TMEM14C: variants seen among roughly 807,000 people sequenced by gnomAD.
TMEM14C encodes chromosome 6 open reading frame 53.
TMEM14C carries 13 observed loss-of-function variants against 14.8 expected under a neutral mutation model. The observed-to-expected ratio is 0.88, with a 90% CI of 0.57 to 1.40. The LOEUF is 1.40. Among genes scored for constraint, TMEM14C ranks in the 40% most tolerant of loss-of-function variants. The pLI is 0.00. For missense variants in TMEM14C, 142 were observed against 138.8 expected (o/e 1.02, Z -0.12); for synonymous variants, 57 against 51.3 (o/e 1.11, Z -0.48).
chr6:10,727,804 GA>G (rs1770910695), intron 4 of TMEM14C, among the ~76,000 whole-genome samples: 1 of 151,908 alleles, frequency 6.6e-6, no homozygotes, highest in South Asian at 2.1e-4. Flanking sequence ...CTGGGCGACA[GA>G]TCAAGACTCT....
At position 10,723,133 on chromosome 6, in the gene TMEM14C, G is replaced by GC. The variant is rs1374469838; in HGVS notation, c.-149dup. On this transcript the variant is annotated 5_prime_UTR_variant, in exon 1 of 6. Coordinates refer to ENST00000229563, the MANE Select transcript of TMEM14C (RefSeq NM_016462.4). ...ACAACAGAGCCGCTCCCCTCTCCTC[G>GC]CCCCGCCACCGGGACGGAGAGCGCC... 1.3e-5 allele frequency: 2 copies of GC among 152,290 alleles called. No homozygotes were observed. Among genetic ancestry groups the GC allele is most frequent in the African/African-American group, 2.4e-5 (1 of 41,464 alleles). 9.4% of individuals were successfully genotyped at this position (152,290 alleles called of 1,614,324 possible). A position where few individuals can be genotyped will look rare whatever the true frequency, so the allele number is the denominator to read the frequency against.
At chr6:10,725,089 A>C in intron 3 of TMEM14C, 52 bp downstream of exon 3, 1 of 1,603,802 alleles carries the variant, frequency 6.2e-7, no homozygotes, top group East Asian at 2.2e-5. Flanking sequence ...TGTCCCAGTG[A>C]AATGTGAATG....
At chr6:10,724,249 A>G (rs1770787152) in intron 1 of TMEM14C, among the ~76,000 whole-genome samples, 1 of 152,232 alleles carries the variant, frequency 6.6e-6, no homozygotes, top group Non-Finnish European at 1.5e-5. Flanking sequence ...TGGGTAGCTG[A>G]TGAAATGACT....
chr6:10,724,572 G>A lies in TMEM14C; in HGVS notation c.-42G>A. ...CTGATCCAGCTTGTTTTCTGCAGGT[G>A]CAGGCCTGGGGTAGTCTCCTGTCTG... is the stretch of plus-strand genomic sequence containing the variant. On this transcript the variant is annotated splice_region_variant and 5_prime_UTR_variant, in exon 2 of 6. Transcript: ENST00000229563. 7 of 1,610,694 alleles carry A rather than the reference G, an allele frequency of 4.3e-6. No homozygotes were observed. The highest frequency in any genetic ancestry group is 5.9e-6 in the Non-Finnish European group (7 of 1,177,866).
At chr6:10,729,561 G>A (rs1770969332) in intron 5 of TMEM14C, among the ~76,000 whole-genome samples, 1 of 152,172 alleles carries the variant, frequency 6.6e-6, no homozygotes, top group Non-Finnish European at 1.5e-5. Flanking sequence ...CGGATCACCT[G>A]ATGTCAGGGG....
Position 10,730,857 on chromosome 6 carries a change from A to G in TMEM14C, c.*191A>G. The G allele has an allele frequency of 7.8e-7, 1 of 1,286,814 alleles. No individual in the cohort carries two copies. Among genetic ancestry groups the G allele is most frequent in the South Asian group, 2.3e-5 (1 of 43,890 alleles). 79.7% of individuals were successfully genotyped at this position (1,286,814 alleles called of 1,614,324 possible). A position where few individuals can be genotyped will look rare whatever the true frequency, so the allele number is the denominator to read the frequency against. ...AACCTACAGAGGTGGCGAGTATGTA[A>G]CACAAGAGCTTAATAAGACCCTCAT... On this transcript the variant is annotated 3_prime_UTR_variant, in exon 6 of 6. Coordinates refer to ENST00000229563, the MANE Select transcript of TMEM14C (RefSeq NM_016462.4).
intron 2 of TMEM14C, 121 bp from the exon 3 acceptor site, chr6:10,724,840 G>C (rs1770807863): frequency 7.2e-7 from 1 of 1,379,896 alleles, no homozygotes; most frequent in African/African-American, 1.4e-5. Flanking sequence ...TCCAACCTCT[G>C]TGGTCCTTAT....
intron 5 of TMEM14C, among the ~76,000 whole-genome samples, chr6:10,729,071 T>C (rs1030122767): frequency 6.6e-6 from 1 of 152,168 alleles, no homozygotes. Flanking sequence ...TTCTTAGATG[T>C]GTAGATGTCT....
chr6:10,725,706 A>G (rs1770838849), intron 3 of TMEM14C, among the ~76,000 whole-genome samples: 1 of 152,024 alleles, frequency 6.6e-6, no homozygotes. Flanking sequence ...TAGAGGAGAG[A>G]AAAATGGGGT....
rs1183127140 is a variant in TMEM14C, at chr6:10,726,102, A to G, written c.199+94A>G. Reference sequence around the variant, plus strand: ...TTTGGTGGGATGGGGTGAGTTCTTCACACTTCACTTACGACAATTTCACTG... The same window carrying G: ...TTTGGTGGGATGGGGTGAGTTCTTCGCACTTCACTTACGACAATTTCACTG... On this transcript the variant is annotated intron_variant, in intron 4 of 5. Transcript: ENST00000229563. 5.8e-6 allele frequency: 8 copies of G among 1,381,368 alleles called. No homozygotes were observed. In the East Asian group the frequency reaches 1.6e-4, roughly 28 times the overall value. 85.6% of individuals were successfully genotyped at this position (1,381,368 alleles called of 1,614,324 possible).
At chr6:10,727,274 A>G (rs1770890835) in intron 4 of TMEM14C, among the ~76,000 whole-genome samples, 1 of 151,802 alleles carries the variant, frequency 6.6e-6, no homozygotes, top group South Asian at 2.1e-4. Context: ...CCTGTCTTGT[A>G]TTTGTATTCC....
rs531613683 is a variant in TMEM14C at position 10,727,853 on chromosome 6, T to C, written c.200-787T>C. On this transcript the variant is annotated intron_variant, in intron 4 of 5. Transcript: ENST00000229563. ...AAAAAAAAAAATGTGACTCTGTTCA[T>C]GTGTCCTTCTGCTTAGCATCCTTTA... Among the ~76,000 whole-genome samples the C allele has an allele frequency of 3.0e-4, 45 of 152,240 alleles. 1 individual carries two copies. The highest frequency in any genetic ancestry group is 9.6e-4 in the African/African-American group (40 of 41,570).
chr6:10,726,506 A>G (rs1376659390), intron 4 of TMEM14C, among the ~76,000 whole-genome samples: 2 of 152,200 alleles, frequency 1.3e-5, no homozygotes, highest in East Asian at 3.9e-4. Flanking sequence ...CCTGACCAAC[A>G]TGGTGAAACC....
chr6:10,723,574 T>C (rs940518039), intron 1 of TMEM14C, among the ~76,000 whole-genome samples: 84 of 151,326 alleles, frequency 5.6e-4, no homozygotes, highest in African/African-American at 1.4e-3. Context: ...TGCCCTTCCC[T>C]GTTTTATGGA....
intron 4 of TMEM14C, among the ~76,000 whole-genome samples, chr6:10,726,673 A>G (rs1770871742): frequency 6.6e-6 from 1 of 152,238 alleles, no homozygotes; most frequent in African/African-American, 2.4e-5. Flanking sequence ...CCTGGGCGAC[A>G]GAGCAAGACT....
Position 10,725,927 on chromosome 6 carries a change from GC to G in TMEM14C, c.119del (p.Ala40GlufsTer8). 1.2e-6 allele frequency: 2 copies of G among 1,613,982 alleles called. No individual in the cohort carries two copies. Among genetic ancestry groups the G allele is most frequent in the Non-Finnish European group, 1.7e-6 (2 of 1,180,022 alleles). Reference sequence around the variant, plus strand: ...TCTAGGCAGCGTGCCGTCCCTGGCTGCAGGGCTGCTCTTTGGCAGTCTAGCC... The same window carrying G: ...TCTAGGCAGCGTGCCGTCCCTGGCTGAGGGCTGCTCTTTGGCAGTCTAGCC... ...VKAGSVPSLAAGLLFGSLAGL... is the reference protein window; with the variant it reads ...VKAGSVPSLAXGLLFGSLAGL... On this transcript the variant is annotated frameshift_variant, in exon 4 of 6. Transcript: ENST00000229563. LOFTEE classifies it high-confidence loss of function.
intron 1 of TMEM14C, among the ~76,000 whole-genome samples, chr6:10,724,259 T>C (rs1014563121): frequency 6.6e-6 from 1 of 152,224 alleles, no homozygotes; most frequent in Non-Finnish European, 1.5e-5. Context: ...ATGAAATGAC[T>C]AACACATTCC....
Position 10,730,994 on chromosome 6 carries a change from C to A in TMEM14C, c.*328C>A. 9.8e-7 allele frequency: 1 copy of A among 1,016,854 alleles called. No homozygotes were observed. The highest frequency in any genetic ancestry group is 1.2e-6 in the Non-Finnish European group (1 of 850,718). The allele number at this position is 1,016,854 out of a possible 1,614,324, so 63.0% of individuals were successfully genotyped here. A position where few individuals can be genotyped will look rare whatever the true frequency, so the allele number is the denominator to read the frequency against. ...CAGGGCTCTGAAACCCCATTCCCTG[C>A]TCTGAGGAACAGTGTGAAAAAAAGT... On this transcript the variant is annotated 3_prime_UTR_variant, in exon 6 of 6. Coordinates refer to ENST00000229563, the MANE Select transcript of TMEM14C (RefSeq NM_016462.4).
chr6:10,727,224 T>C (rs776756084), intron 4 of TMEM14C, among the ~76,000 whole-genome samples: 2 of 152,184 alleles, frequency 1.3e-5, no homozygotes, highest in Non-Finnish European at 2.9e-5. Flanking sequence ...TTTGGGTGTC[T>C]TCTCCCTGAT....
Sources: allele counts gnomAD v4.1 joint callset (sites outside exome capture counted in the v4.1 genomes callset), GRCh38; gene constraint gnomAD v4.1.1; transcripts MANE v1.5; gene names NCBI Gene and HGNC (gene_info 2026-07-23, HGNC 2026-07-21).